Variants in BBS9 observed in about 807,000 individuals in gnomAD.
The protein encoded by BBS9 is Bardet-Biedl syndrome 9, also known as protein PTHB1.
A neutral mutation model predicts 117.7 loss-of-function variants in BBS9; 89 were observed. The ratio of observed to expected loss-of-function variants is 0.76; its 90% CI spans 0.64 to 0.90. BBS9 has a LOEUF of 0.90. Ranked by LOEUF, BBS9 falls within the 40% of genes least tolerant of loss-of-function variation. The pLI is 0.00. For synonymous variants in BBS9, 379 were observed against 370.9 expected (o/e 1.02, Z -0.25); for missense variants, 982 against 1,042.2 (o/e 0.94, Z 0.80).
chr7:33,569,605 A>G (rs983493107), intron 21 of BBS9, among the ~76,000 whole-genome samples: 8 of 150,762 alleles, frequency 5.3e-5, no homozygotes, highest in African/African-American at 1.9e-4. Flanking sequence ...AAAAAAAAAT[A>G]CAAAAAATTA....
At chr7:33,181,938 T>G (rs2128172940) in intron 5 of BBS9, among the ~76,000 whole-genome samples, 1 of 152,072 alleles carries the variant, frequency 6.6e-6, no homozygotes, top group East Asian at 1.9e-4. Context: ...AAAAACAAAA[T>G]TAGCTGGGCA....
intron 19 of BBS9, among the ~76,000 whole-genome samples, chr7:33,473,858 G>A (rs146970698): frequency 1.2e-3 from 181 of 152,190 alleles, no homozygotes; most frequent in Non-Finnish European, 2.1e-3. Flanking sequence ...CTGCTCAAAG[G>A]CAGGGAATCA....
chr7:33,604,111 A>G (rs1205118679), intron 21 of BBS9, among the ~76,000 whole-genome samples: 1 of 152,226 alleles, frequency 6.6e-6, no homozygotes, highest in Non-Finnish European at 1.5e-5. Context: ...CATGTACAGT[A>G]TACAACATGT....
rs539404687 is a variant in BBS9 at position 33,543,611 on chromosome 7, T to G, written c.2521+9435T>G. Among the ~76,000 whole-genome samples, 9 of 152,374 alleles carry G rather than the reference T, an allele frequency of 5.9e-5. No individual in the cohort carries two copies. In the East Asian group the frequency reaches 1.7e-3, roughly 29 times the overall value. On this transcript the variant is annotated intron_variant, in intron 21 of 22. Transcript: ENST00000242067. ...TTTCCTTTATAGGTTACCTGGTGTT[T>G]CTGTCTCATGGCTCTTAAGATTCTT...
At chr7:33,355,698 A>C (rs1374749137) in intron 15 of BBS9, among the ~76,000 whole-genome samples, 1 of 151,912 alleles carries the variant, frequency 6.6e-6, no homozygotes, top group Non-Finnish European at 1.5e-5. Context: ...AACTGACCTA[A>C]CTGAACTGTA....
At chr7:33,171,200 A>G (rs1448724206) in intron 4 of BBS9, among the ~76,000 whole-genome samples, 1 of 152,138 alleles carries the variant, frequency 6.6e-6, no homozygotes, top group Non-Finnish European at 1.5e-5. Context: ...CTGACTTCAA[A>G]CTATACTACA....
intron 19 of BBS9, among the ~76,000 whole-genome samples, chr7:33,462,709 A>G (rs1839643365): frequency 6.6e-6 from 1 of 152,088 alleles, no homozygotes; most frequent in Admixed American, 6.6e-5. Flanking sequence ...AAATATTCTG[A>G]GTGGGTTCTT....
At chr7:33,506,732 A>C (rs1846203506) in intron 20 of BBS9, among the ~76,000 whole-genome samples, 1 of 152,314 alleles carries the variant, frequency 6.6e-6, no homozygotes, top group East Asian at 1.9e-4. Flanking sequence ...TTAAAAAAGA[A>C]GCTATATTTT....
chr7:33,259,694 G>A (rs1249964077), intron 6 of BBS9, among the ~76,000 whole-genome samples: 1 of 152,046 alleles, frequency 6.6e-6, no homozygotes, highest in Non-Finnish European at 1.5e-5. Context: ...TTTACTGAGG[G>A]TAAGGGTAAG....
chr7:33,234,610 T>G (rs1412818754), intron 5 of BBS9, among the ~76,000 whole-genome samples: 1 of 152,018 alleles, frequency 6.6e-6, no homozygotes, highest in Non-Finnish European at 1.5e-5. Context: ...TGAAACTTTG[T>G]CCCCCTTGAA....
At chr7:33,505,749 G>T (rs2129016410) in intron 20 of BBS9, 104 bp downstream of exon 20, 2 of 1,263,764 alleles carry the variant, frequency 1.6e-6, no homozygotes, top group South Asian at 2.7e-5. Context: ...TCAAATAAGG[G>T]TTTGATTTTT....
chr7:33,182,779 C>T (rs1006178747), intron 5 of BBS9, among the ~76,000 whole-genome samples: 2 of 151,990 alleles, frequency 1.3e-5, no homozygotes, highest in East Asian at 1.9e-4. Context: ...TTTTCATTTG[C>T]CAGTTTCTAA....
chr7:33,314,201 T>C (rs1809949048), intron 9 of BBS9: 1 of 399,548 alleles, frequency 2.5e-6, no homozygotes, highest in African/African-American at 2.1e-5. Context: ...CTTTTATGTG[T>C]TAGGTAAGGA....
At chr7:33,557,185 T>C (rs896076393) in intron 21 of BBS9, among the ~76,000 whole-genome samples, 15 of 152,320 alleles carry the variant, frequency 9.8e-5, no homozygotes, top group African/African-American at 3.6e-4. Flanking sequence ...TAACCCTGTC[T>C]AGAATACTTG....
At chr7:33,318,059 A>C (rs1277397340) in intron 9 of BBS9, among the ~76,000 whole-genome samples, 1 of 152,220 alleles carries the variant, frequency 6.6e-6, no homozygotes, top group African/African-American at 2.4e-5. Flanking sequence ...CAAACAAAAC[A>C]ATACAAAACA....
At chr7:33,632,496 C>T (rs555063503) in intron 21 of BBS9, among the ~76,000 whole-genome samples, 15 of 152,358 alleles carry the variant, frequency 9.8e-5, no homozygotes, top group East Asian at 1.9e-4. Context: ...GCCCTCGCCC[C>T]GCTCGCGGCT....
chr7:33,373,650 C>G (rs141549134), intron 17 of BBS9, among the ~76,000 whole-genome samples: 77 of 152,230 alleles, frequency 5.1e-4, no homozygotes, highest in African/African-American at 1.8e-3. Flanking sequence ...TAATGTGTAG[C>G]AAATTGGTAT....
intron 19 of BBS9, among the ~76,000 whole-genome samples, chr7:33,437,803 G>T (rs1412003678): frequency 1.3e-5 from 2 of 152,120 alleles, no homozygotes; most frequent in African/African-American, 4.8e-5. Flanking sequence ...TTGAACCCGG[G>T]AGGCAGAGGT....
intron 5 of BBS9, among the ~76,000 whole-genome samples, chr7:33,187,191 A>G (rs1365651888): frequency 1.3e-5 from 2 of 152,250 alleles, no homozygotes; most frequent in Non-Finnish European, 2.9e-5. Flanking sequence ...AGTGGTGAAG[A>G]AAATAATATT....
Sources: allele counts gnomAD v4.1 joint callset (sites outside exome capture counted in the v4.1 genomes callset), GRCh38; gene constraint gnomAD v4.1.1; transcripts MANE v1.5; gene names NCBI Gene and HGNC (gene_info 2026-07-23, HGNC 2026-07-21).